BACH2: variants seen among roughly 807,000 people sequenced by gnomAD.
BACH2 encodes transcription regulator protein BACH2.
Under a neutral mutation model 61.8 loss-of-function variants are expected in BACH2, and 5 were observed. That is an observed-to-expected ratio of 0.08 (90% CI 0.04 to 0.17). The LOEUF is 0.17. Among genes scored for constraint, BACH2 ranks in the 10% least tolerant of loss-of-function variants. The pLI is 1.00. For synonymous variants in BACH2, 446 were observed against 440.1 expected, an observed-to-expected ratio of 1.01 and a Z score of -0.17; for missense variants, 824 against 1,091.1, an observed-to-expected ratio of 0.76 and a Z score of 3.45.
In BACH2 at chr6:90,040,521, A is replaced by ACT. The variant is rs1554232670; in HGVS notation, c.-12-31666_-12-31665insAG. ...CTCTTTTTATTCTTGGCTATTTTTG[A>ACT]TTTTTTTTTTTTACATGAACTTCAG... On this transcript the variant is annotated intron_variant, in intron 5 of 8. Transcript: ENST00000257749. 9.8e-4 allele frequency among the ~76,000 whole-genome samples: 142 copies of ACT among 145,522 alleles called. 1 individual carries two copies. Among genetic ancestry groups the ACT allele is most frequent in the African/African-American group, 3.3e-3 (131 of 40,024 alleles).
At chr6:89,995,781 C>G (rs1189982231) in intron 6 of BACH2, among the ~76,000 whole-genome samples, 1 of 152,178 alleles carries the variant, frequency 6.6e-6, no homozygotes, top group Non-Finnish European at 1.5e-5. Flanking sequence ...CTTGCAGGAT[C>G]TTGCACTCAC....
At chr6:90,222,570 T>C (rs1220222854) in intron 3 of BACH2, among the ~76,000 whole-genome samples, 1 of 152,232 alleles carries the variant, frequency 6.6e-6, no homozygotes, top group Non-Finnish European at 1.5e-5. Context: ...GTATTTAATA[T>C]GAAGTTTCAT....
At chr6:90,183,261 T>C (rs1768229247) in intron 4 of BACH2, among the ~76,000 whole-genome samples, 1 of 152,274 alleles carries the variant, frequency 6.6e-6, no homozygotes. Context: ...GTTTGTTGTA[T>C]GAAGCAGAAA....
intron 4 of BACH2, among the ~76,000 whole-genome samples, chr6:90,162,239 T>G (rs898246990): frequency 6.6e-6 from 1 of 152,190 alleles, no homozygotes; most frequent in Non-Finnish European, 1.5e-5. Context: ...AGGACTAAAT[T>G]TATTTAAATT....
At chr6:90,162,829 T>C (rs958998685) in intron 4 of BACH2, among the ~76,000 whole-genome samples, 3 of 152,304 alleles carry the variant, frequency 2.0e-5, no homozygotes, top group Admixed American at 6.5e-5. Context: ...GAAGGAACAC[T>C]GCTCTGGGCA....
chr6:90,102,376 G>A (rs1202240031), intron 4 of BACH2, among the ~76,000 whole-genome samples: 1 of 152,162 alleles, frequency 6.6e-6, no homozygotes, highest in African/African-American at 2.4e-5. Context: ...TCTGTTTAAA[G>A]GGGTATCATT....
intron 4 of BACH2, among the ~76,000 whole-genome samples, chr6:90,148,604 G>C (rs1315314848): frequency 6.6e-6 from 1 of 152,120 alleles, no homozygotes; most frequent in African/African-American, 2.4e-5. Flanking sequence ...GAATATTCAA[G>C]TGACATGGTA....
chr6:89,963,454 C>T (rs531550726), intron 6 of BACH2, among the ~76,000 whole-genome samples: 7 of 151,982 alleles, frequency 4.6e-5, no homozygotes, highest in Non-Finnish European at 8.8e-5. Context: ...CCGTCATGCC[C>T]GGTTAATTTC....
chr6:90,103,975 A>G (rs1224512545), intron 4 of BACH2, among the ~76,000 whole-genome samples: 5 of 152,226 alleles, frequency 3.3e-5, no homozygotes, highest in Non-Finnish European at 7.3e-5. Context: ...TGAAGTGTAG[A>G]GAAGTGAAGT....
chr6:90,177,201 C>T (rs1043590809), intron 4 of BACH2, among the ~76,000 whole-genome samples: 2 of 152,170 alleles, frequency 1.3e-5, no homozygotes, highest in African/African-American at 4.8e-5. Context: ...GACCACCTTG[C>T]TGCTCTCATT....
chr6:90,028,929 T>C (rs572022971), intron 5 of BACH2, among the ~76,000 whole-genome samples: 9 of 152,302 alleles, frequency 5.9e-5, no homozygotes, highest in African/African-American at 1.9e-4. Context: ...GATTAAAATA[T>C]TTTACGTGTT....
At chr6:90,023,538 T>C (rs948063245) in intron 5 of BACH2, among the ~76,000 whole-genome samples, 8 of 152,168 alleles carry the variant, frequency 5.3e-5, no homozygotes, top group Non-Finnish European at 8.8e-5. Flanking sequence ...CATGAACCAA[T>C]TAAACCTCTT....
chr6:90,005,398 A>C (rs1031639727), intron 6 of BACH2, among the ~76,000 whole-genome samples: 1 of 152,222 alleles, frequency 6.6e-6, no homozygotes, highest in African/African-American at 2.4e-5. Flanking sequence ...TGAGGTTTAA[A>C]GATTTCCAAG....
rs117843582 is a variant in BACH2, at chr6:90,287,011, G to A, written c.-446+9469C>T. Among the ~76,000 whole-genome samples, 295 of 152,284 alleles carry A rather than the reference G, an allele frequency of 1.9e-3. 2 individuals carry two copies. The East Asian group carries it at 0.026, about 14-fold the overall frequency. On this transcript the variant is annotated intron_variant, in intron 1 of 8. Transcript: ENST00000257749. ...GCTAGACAGTGTGTTCCCAGAGAAA[G>A]AGGACTCTTCATCATACCCAGCTCT...
rs569687513 is a variant in BACH2, at chr6:90,024,492, C to T, written c.-12-15636G>A. Among the ~76,000 whole-genome samples, 4 of 152,302 alleles carry T rather than the reference C, an allele frequency of 2.6e-5. No individual in the cohort carries two copies. In the South Asian group the frequency reaches 8.3e-4, roughly 32 times the overall value. On this transcript the variant is annotated intron_variant, in intron 5 of 8. Transcript: ENST00000257749. Reference sequence around the variant, plus strand: ...TTTCAGAGATCTCGTGTTTTGTCTTCTCTCTTGTTAAAACCAAATCACTTC... The same window carrying T: ...TTTCAGAGATCTCGTGTTTTGTCTTTTCTCTTGTTAAAACCAAATCACTTC...
At chr6:90,147,500 G>A (rs771391628) in intron 4 of BACH2, among the ~76,000 whole-genome samples, 1 of 152,102 alleles carries the variant, frequency 6.6e-6, no homozygotes, top group Non-Finnish European at 1.5e-5. Context: ...CCTGGATCCC[G>A]GGTGCACGAG....
At chr6:90,077,755 C>G (rs1781538310) in intron 5 of BACH2, among the ~76,000 whole-genome samples, 1 of 152,166 alleles carries the variant, frequency 6.6e-6, no homozygotes, top group African/African-American at 2.4e-5. Context: ...TTCATCACTT[C>G]TTGTCAGGTC....
chr6:90,263,861 A>T (rs1329596035), intron 2 of BACH2, among the ~76,000 whole-genome samples: 1 of 152,152 alleles, frequency 6.6e-6, no homozygotes. Flanking sequence ...CACCAGCAAA[A>T]TCCCTTGAAA....
chr6:90,112,741 T>C (rs1406635584), intron 4 of BACH2, among the ~76,000 whole-genome samples: 1 of 152,002 alleles, frequency 6.6e-6, no homozygotes, highest in Non-Finnish European at 1.5e-5. Flanking sequence ...CATAACCAAA[T>C]TCATACATAC....
Sources: allele counts gnomAD v4.1 joint callset (sites outside exome capture counted in the v4.1 genomes callset), GRCh38; gene constraint gnomAD v4.1.1; transcripts MANE v1.5; gene names NCBI Gene and HGNC (gene_info 2026-07-23, HGNC 2026-07-21).